TRIB2: variants seen among roughly 807,000 people sequenced by gnomAD.
TRIB2 encodes the protein tribbles homolog 2.
Under a neutral mutation model 26.8 loss-of-function variants are expected in TRIB2, and 2 were observed. That is an observed-to-expected ratio of 0.07 (90% CI 0.03 to 0.24). The LOEUF (loss-of-function observed/expected upper bound fraction) is 0.24, where lower values mean the gene tolerates loss of function less well. TRIB2 is among the 10% of genes least tolerant of loss of function. The probability of loss-of-function intolerance (pLI) is 1.00; values close to 1 mark genes in which losing one functional copy is unlikely to be tolerated. For synonymous variants in TRIB2, 189 were observed against 187.3 expected, an observed-to-expected ratio of 1.01 and a Z score of -0.08; for missense variants, 306 against 449.0, an observed-to-expected ratio of 0.68 and a Z score of 2.88.
intron 2 of TRIB2, among the ~76,000 whole-genome samples, chr2:12,728,373 A>T (rs752261504): frequency 1.4e-5 from 2 of 143,230 alleles, no homozygotes; most frequent in Non-Finnish European, 3.0e-5. Flanking sequence ...TCCCTGGCTC[A>T]CTCAAGATGC....
At chr2:12,723,009 T>C (rs1261389236) in intron 1 of TRIB2, among the ~76,000 whole-genome samples, 11 of 152,202 alleles carry the variant, frequency 7.2e-5, no homozygotes. Flanking sequence ...TTTTCTCATA[T>C]AATCCTCCTA....
In TRIB2 at chr2:12,717,405, C is replaced by T. The variant is rs1225860902; in HGVS notation, c.-903C>T. 4 of 398,332 alleles carry T rather than the reference C, an allele frequency of 1.0e-5. No individual in the cohort carries two copies. The highest frequency in any genetic ancestry group is 1.8e-5 in the Non-Finnish European group (4 of 226,010). 24.7% of individuals were successfully genotyped at this position (398,332 alleles called of 1,614,324 possible). A position where few individuals can be genotyped will look rare whatever the true frequency, so the allele number is the denominator to read the frequency against. ...CGATCTGTCCTCGTTCTCTCCTGCA[C>T]GTCTGGCTGCATTCGGAGGAAGACC... On this transcript the variant is annotated 5_prime_UTR_variant, in exon 1 of 3. It adds an upstream start codon to the 5' untranslated region. Transcript: ENST00000155926. The surrounding 1 kb of genome is among the most constrained non-coding windows in gnomAD (Gnocchi z 4.8).
At chr2:12,736,772 G>C (rs1391061394) in intron 2 of TRIB2, among the ~76,000 whole-genome samples, 1 of 152,232 alleles carries the variant, frequency 6.6e-6, no homozygotes, top group Admixed American at 6.5e-5. Context: ...GGCTCTTGGA[G>C]GTGGGAAGTG....
At chr2:12,738,305 GT>G (rs575591391) in intron 2 of TRIB2, among the ~76,000 whole-genome samples, 94 of 152,292 alleles carry the variant, frequency 6.2e-4, no homozygotes, top group African/African-American at 2.2e-3. Context: ...ACCCAATGTG[GT>G]TTTTCCAAGC....
Position 12,718,705 on chromosome 2 carries a change from T to G in TRIB2, c.270+128T>G. On this transcript the variant is annotated intron_variant, in intron 1 of 2. Transcript: ENST00000155926. The surrounding 1 kb of genome is among the most constrained non-coding windows in gnomAD (Gnocchi z 4.0). ...CCGTGGCCTTATTAAATGGGTTTAT[T>G]TATTTATTTGCTCAGGTTCGGTAAG... 7.8e-7 allele frequency: 1 copy of G among 1,290,048 alleles called. No individual in the cohort carries two copies. The allele number at this position is 1,290,048 out of a possible 1,614,324, so 79.9% of individuals were successfully genotyped here.
chr2:12,740,306 G>GA lies in TRIB2; in HGVS notation c.564-20_564-19insA. 1 of 1,608,936 alleles carries GA rather than the reference G, an allele frequency of 6.2e-7. No homozygotes were observed. The highest frequency in any genetic ancestry group is 8.5e-7 in the Non-Finnish European group (1 of 1,176,314). ...TCTCTGAGCACCCTCAGGAGCTTAT[G>GA]TTTTCCTCCTTTCTTGCAGGACTCG... On this transcript the variant is annotated intron_variant, in intron 2 of 2. Coordinates refer to ENST00000155926, the MANE Select transcript of TRIB2 (RefSeq NM_021643.4). This position sits in a 1 kb window ranked among gnomAD's most constrained non-coding sequence, Gnocchi z 5.8.
rs1282410979 is a variant in TRIB2, at chr2:12,740,213, A to G, written c.564-113A>G. ...GGCTGGTCAGATGAATGCGTGAATG[A>G]ATGAATGTGAATGAGGAGTCTTCAG... is the stretch of plus-strand genomic sequence containing the variant. On this transcript the variant is annotated intron_variant, in intron 2 of 2. Coordinates refer to ENST00000155926, the MANE Select transcript of TRIB2 (RefSeq NM_021643.4). The surrounding 1 kb of genome is among the most constrained non-coding windows in gnomAD (Gnocchi z 5.8). 9.8e-7 allele frequency: 1 copy of G among 1,015,232 alleles called. No individual in the cohort carries two copies. Among genetic ancestry groups the G allele is most frequent in the Non-Finnish European group, 1.5e-6 (1 of 683,694 alleles). The allele number at this position is 1,015,232 out of a possible 1,614,324, so 62.9% of individuals were successfully genotyped here. A position where few individuals can be genotyped will look rare whatever the true frequency, so the allele number is the denominator to read the frequency against.
At chr2:12,739,787 G>T (rs1283546958) in intron 2 of TRIB2, among the ~76,000 whole-genome samples, 2 of 152,318 alleles carry the variant, frequency 1.3e-5, no homozygotes, top group Non-Finnish European at 2.9e-5. Flanking sequence ...TGTAAAATGG[G>T]ATGTTAATAT....
Position 12,740,366 on chromosome 2 carries a change from C to A in TRIB2, c.604C>A (p.Leu202Met). Reference protein sequence around the residue: ...KLESLEDAYILRGDDDSLSDK... With the variant: ...KLESLEDAYIMRGDDDSLSDK... ...GGAAAGCCTGGAAGACGCCTACATT[C>A]TGCGGGGAGATGATGATTCCCTCTC... Residue 202 changes from leucine (L) to methionine (M), a missense_variant, in exon 3 of 3, where the codon CTG (leucine) becomes ATG (methionine). By Grantham distance (15) the Leu-to-Met change is conservative. Transcript: ENST00000155926. This position sits in a 1 kb window ranked among gnomAD's most constrained non-coding sequence, Gnocchi z 5.8. The A allele has an allele frequency of 6.2e-7, 1 of 1,614,180 alleles. No homozygotes were observed. Among genetic ancestry groups the A allele is most frequent in the Non-Finnish European group, 8.5e-7 (1 of 1,180,028 alleles).
At chr2:12,728,646 G>A (rs1661383046) in intron 2 of TRIB2, among the ~76,000 whole-genome samples, 1 of 152,150 alleles carries the variant, frequency 6.6e-6, no homozygotes, top group African/African-American at 2.4e-5. Flanking sequence ...TGACGTGACA[G>A]GTTTCATTTC....
intron 1 of TRIB2, among the ~76,000 whole-genome samples, chr2:12,722,928 G>A (rs1235242875): frequency 6.6e-6 from 1 of 152,126 alleles, no homozygotes; most frequent in Non-Finnish European, 1.5e-5. Flanking sequence ...ACGCAATTGG[G>A]CTAGAGACAA....
At position 12,718,570 on chromosome 2, in the gene TRIB2, T is replaced by A. The variant is rs1320313877; in HGVS notation, c.263T>A (p.Val88Glu). The A allele has an allele frequency of 6.2e-7, 1 of 1,613,018 alleles. No individual in the cohort carries two copies. Among genetic ancestry groups the A allele is most frequent in the Non-Finnish European group, 8.5e-7 (1 of 1,178,994 alleles). Residue 88 changes from valine to glutamate, a missense_variant, in exon 1 of 3, where the codon GTG becomes GAG. By Grantham distance (121) the Val-to-Glu change is moderately radical. Around this residue, in one of 4 missense-constraint regions of TRIB2, gnomAD observed 118 missense variants for 188.8 expected, o/e 0.63. Coordinates refer to ENST00000155926, the MANE Select transcript of TRIB2 (RefSeq NM_021643.4). This position sits in a 1 kb window ranked among gnomAD's most constrained non-coding sequence, Gnocchi z 4.0. ...CATCTGCACAGCGGAGAGGAGCTGG[T>A]GTGCAAGGTAAAGGGCCAGTGGGTT... ...AVHLHSGEEL[V>E]CKVFDISCYQ...
intron 2 of TRIB2, among the ~76,000 whole-genome samples, chr2:12,728,251 A>G (rs1661375761): frequency 1.3e-5 from 2 of 151,590 alleles, no homozygotes; most frequent in Admixed American, 1.3e-4. Context: ...ACAGTCAGCC[A>G]TCAGCAGACG....
At chr2:12,729,004 G>C (rs1661393907) in intron 2 of TRIB2, among the ~76,000 whole-genome samples, 1 of 152,192 alleles carries the variant, frequency 6.6e-6, no homozygotes, top group South Asian at 2.1e-4. Context: ...ATTTTTTCAA[G>C]TTGTAGGCGC....
intron 2 of TRIB2, among the ~76,000 whole-genome samples, chr2:12,733,529 T>G (rs753978932): frequency 2.0e-4 from 31 of 152,220 alleles, no homozygotes; most frequent in Admixed American, 5.2e-4. Flanking sequence ...CTCAGCTTCC[T>G]TATATATTAG....
Position 12,732,078 on chromosome 2 carries a change from G to A in TRIB2, c.564-8248G>A, listed in dbSNP as rs138385154. On this transcript the variant is annotated intron_variant, in intron 2 of 2. Coordinates refer to ENST00000155926, the MANE Select transcript of TRIB2 (RefSeq NM_021643.4). This position sits in a 1 kb window ranked among gnomAD's most constrained non-coding sequence, Gnocchi z 4.2. ...GGGTTTCCCTTTCTGTTCCTATGGC[G>A]ACAGGATGGACTTCCTCTGTGAAGC... Among the ~76,000 whole-genome samples, 40 of 152,260 alleles carry A rather than the reference G, an allele frequency of 2.6e-4. No homozygotes were observed. The highest frequency in any genetic ancestry group is 1.9e-3 in the South Asian group (9 of 4,816).
chr2:12,718,163 C>CTT lies in TRIB2; in HGVS notation c.-143_-142dup, dbSNP rs1666641450. 2.6e-6 allele frequency: 3 copies of CTT among 1,171,952 alleles called. No homozygotes were observed. The highest frequency in any genetic ancestry group is 1.7e-5 in the South Asian group (1 of 59,814). 72.6% of individuals were successfully genotyped at this position (1,171,952 alleles called of 1,614,324 possible). ...GGCGCCCATTTGGGGGCTTCTAACT[C>CTT]TTTCTCCACGCAGCCCCTCTTCTGT... On this transcript the variant is annotated 5_prime_UTR_variant, in exon 1 of 3. Coordinates refer to ENST00000155926, the MANE Select transcript of TRIB2 (RefSeq NM_021643.4). The surrounding 1 kb of genome is among the most constrained non-coding windows in gnomAD (Gnocchi z 4.0).
chr2:12,718,686 C>T lies in TRIB2; in HGVS notation c.270+109C>T, dbSNP rs1666654672. 2 of 1,401,536 alleles carry T rather than the reference C, an allele frequency of 1.4e-6. No individual in the cohort carries two copies. Among genetic ancestry groups the T allele is most frequent in the African/African-American group, 1.4e-5 (1 of 69,018 alleles). 86.8% of individuals were successfully genotyped at this position (1,401,536 alleles called of 1,614,324 possible). ...GAGATTCGCGGGATAATTACCGTGG[C>T]CTTATTAAATGGGTTTATTTATTTA... On this transcript the variant is annotated intron_variant, in intron 1 of 2. Coordinates refer to ENST00000155926, the MANE Select transcript of TRIB2 (RefSeq NM_021643.4). This position sits in a 1 kb window ranked among gnomAD's most constrained non-coding sequence, Gnocchi z 4.0.
chr2:12,718,004 G>GAC lies in TRIB2; in HGVS notation c.-294_-293dup, dbSNP rs1034737249. On this transcript the variant is annotated 5_prime_UTR_variant, in exon 1 of 3. Transcript: ENST00000155926. This position sits in a 1 kb window ranked among gnomAD's most constrained non-coding sequence, Gnocchi z 4.0. ...GGTACTCATCCAGATCCACGCCGGG[G>GAC]ACACACACACAGAGTAACTAAAAGT... 2.7e-6 allele frequency: 1 copy of GAC among 375,112 alleles called. No individual in the cohort carries two copies. The highest frequency in any genetic ancestry group is 4.8e-6 in the Non-Finnish European group (1 of 208,156). 23.2% of individuals were successfully genotyped at this position (375,112 alleles called of 1,614,324 possible).
Sources: allele counts gnomAD v4.1 joint callset (sites outside exome capture counted in the v4.1 genomes callset), GRCh38; gene constraint gnomAD v4.1.1; regional missense constraint gnomAD v4.1.1; non-coding constraint Gnocchi (gnomAD v3.1); transcripts MANE v1.5; gene names NCBI Gene and HGNC (gene_info 2026-07-23, HGNC 2026-07-21).